The following PDIA5 variants were observed in gnomAD, a reference collection of about 807,000 sequenced individuals.
PDIA5 encodes protein disulfide isomerase family A member 5.
Under a neutral mutation model 77.6 loss-of-function variants are expected in PDIA5, and 58 were observed. The ratio of observed to expected loss-of-function variants is 0.75; its 90% CI spans 0.61 to 0.93. The LOEUF is 0.93. Ranked by LOEUF, PDIA5 falls within the 40% of genes least tolerant of loss-of-function variation. The pLI, the probability that PDIA5 is intolerant of heterozygous loss-of-function variation, is 0.00. For synonymous variants in PDIA5, 250 were observed against 252.1 expected, an observed-to-expected ratio of 0.99 and a Z score of 0.08; for missense variants, 630 against 647.7, an observed-to-expected ratio of 0.97 and a Z score of 0.30.
intron 1 of PDIA5, among the ~76,000 whole-genome samples, chr3:123,087,417 T>C (rs1228418573): frequency 6.6e-6 from 1 of 151,902 alleles, no homozygotes; most frequent in Non-Finnish European, 1.5e-5. Context: ...CATTCTCTTA[T>C]TTTTCTTAAG....
At chr3:123,153,154 T>A (rs1314197344) in intron 14 of PDIA5, among the ~76,000 whole-genome samples, 3 of 152,226 alleles carry the variant, frequency 2.0e-5, no homozygotes, top group Non-Finnish European at 4.4e-5. Flanking sequence ...GAGGCCTAGA[T>A]ATTTTAAATT....
chr3:123,112,623 A>G (rs892735256), intron 7 of PDIA5, among the ~76,000 whole-genome samples: 8 of 133,354 alleles, frequency 6.0e-5, no homozygotes, highest in African/African-American at 2.0e-4. Flanking sequence ...ATCTCAGCTC[A>G]CTGCGACCTC....
chr3:123,152,043 TCCTGCCTG>T (rs1935922775), intron 14 of PDIA5, among the ~76,000 whole-genome samples: 1 of 132,790 alleles, frequency 7.5e-6, no homozygotes, highest in Non-Finnish European at 1.6e-5. Flanking sequence ...CTGCCTTCCT[TCCTGCCTG>T]CCTTCCTTCC....
chr3:123,091,433 G>A (rs1431050501), intron 2 of PDIA5, among the ~76,000 whole-genome samples: 1 of 152,140 alleles, frequency 6.6e-6, no homozygotes, highest in East Asian at 1.9e-4. Context: ...GCTCACAGGT[G>A]TCGCCTAGGA....
intron 7 of PDIA5, among the ~76,000 whole-genome samples, chr3:123,112,446 G>A (rs1011314395): frequency 1.3e-5 from 2 of 151,822 alleles, no homozygotes; most frequent in African/African-American, 2.4e-5. Context: ...CCCCCCAGCC[G>A]GATGCCCCTC....
chr3:123,155,011 T>C lies in PDIA5; in HGVS notation c.1314T>C (p.Ala438=). 2 of 1,612,588 alleles carry C rather than the reference T, an allele frequency of 1.2e-6. No homozygotes were observed. Among genetic ancestry groups the C allele is most frequent in the Admixed American group, 3.3e-5 (2 of 60,034 alleles). Reference sequence around the variant, plus strand: ...AGAAGGTCATTCCGCACTTTACTGCTACTGCTGATGCCTTCAAAGATGACC... The same window carrying C: ...AGAAGGTCATTCCGCACTTTACTGCCACTGCTGATGCCTTCAAAGATGACC... ...HCKKVIPHFT[A]TADAFKDDRK... The change falls in exon 15 of 17, where the codon GCT becomes GCC. Residue 438 remains alanine (A), a synonymous_variant. Transcript: ENST00000316218.
chr3:123,116,309 C>A lies in PDIA5; in HGVS notation c.609+11C>A. 2.5e-6 allele frequency: 4 copies of A among 1,609,810 alleles called. No individual in the cohort carries two copies. The highest frequency in any genetic ancestry group is 3.4e-6 in the Non-Finnish European group (4 of 1,177,566). On this transcript the variant is annotated intron_variant, in intron 8 of 16. Transcript: ENST00000316218. ...CTGCGAGGCCACGCCGTAAGTGAGG[C>A]GCCATTGCCTGGCAGGGCTGGGTCA...
chr3:123,091,512 T>C (rs536577418), intron 2 of PDIA5, among the ~76,000 whole-genome samples: 118 of 152,304 alleles, frequency 7.7e-4, no homozygotes, highest in African/African-American at 2.8e-3. Flanking sequence ...CAGTGGATCA[T>C]TGCAGGCTGG....
chr3:123,113,028 C>T (rs1419537353), intron 7 of PDIA5, among the ~76,000 whole-genome samples: 2 of 152,168 alleles, frequency 1.3e-5, no homozygotes, highest in African/African-American at 4.8e-5. Context: ...CGCTCCTTCT[C>T]TTTATTAATG....
chr3:123,084,416 G>A (rs1934082844), intron 1 of PDIA5, among the ~76,000 whole-genome samples: 2 of 151,628 alleles, frequency 1.3e-5, no homozygotes, highest in Admixed American at 1.3e-4. Flanking sequence ...CTTTTCTTTA[G>A]AAGTGTCCCC....
At chr3:123,128,015 C>A (rs1222778873) in intron 10 of PDIA5, among the ~76,000 whole-genome samples, 1 of 152,204 alleles carries the variant, frequency 6.6e-6, no homozygotes, top group Non-Finnish European at 1.5e-5. Flanking sequence ...TTCAGACTCT[C>A]ACTCAGTCCC....
chr3:123,084,635 T>C (rs1225635996), intron 1 of PDIA5, among the ~76,000 whole-genome samples: 1 of 152,178 alleles, frequency 6.6e-6, no homozygotes, highest in Non-Finnish European at 1.5e-5. Context: ...TCTTCCTTAA[T>C]GTAAGAGAAA....
chr3:123,112,437 C>G (rs1007870175), intron 7 of PDIA5, among the ~76,000 whole-genome samples: 3 of 152,058 alleles, frequency 2.0e-5, no homozygotes, highest in Non-Finnish European at 4.4e-5. Context: ...GGGATGACGC[C>G]CCCCAGCCGG....
chr3:123,110,414 G>C (rs924702199), intron 6 of PDIA5, among the ~76,000 whole-genome samples: 1 of 152,154 alleles, frequency 6.6e-6, no homozygotes, highest in African/African-American at 2.4e-5. Flanking sequence ...CCTGGGGAGA[G>C]ATTAGCGAGA....
intron 13 of PDIA5, among the ~76,000 whole-genome samples, chr3:123,147,186 C>T (rs1216304043): frequency 6.6e-6 from 1 of 152,120 alleles, no homozygotes; most frequent in African/African-American, 2.4e-5. Context: ...GAGGCCCCTC[C>T]CCTTGGCCAT....
intron 1 of PDIA5, among the ~76,000 whole-genome samples, chr3:123,085,652 C>T (rs989783466): frequency 1.3e-5 from 2 of 152,180 alleles, no homozygotes; most frequent in Non-Finnish European, 2.9e-5. Context: ...CACACCGCTG[C>T]CTGGGCAGAT....
intron 6 of PDIA5, among the ~76,000 whole-genome samples, 164 bp downstream of exon 6, chr3:123,107,005 C>T (rs1934751483): frequency 6.6e-6 from 1 of 152,186 alleles, no homozygotes; most frequent in African/African-American, 2.4e-5. Context: ...GACTCCCCTT[C>T]CCAGCTCCAT....
chr3:123,148,401 C>G (rs1935815916), intron 13 of PDIA5, among the ~76,000 whole-genome samples: 1 of 151,978 alleles, frequency 6.6e-6, no homozygotes, highest in Non-Finnish European at 1.5e-5. Flanking sequence ...GACCCCACCT[C>G]TACCGAAAAT....
At chr3:123,103,018 T>A (rs546767425) in intron 5 of PDIA5, among the ~76,000 whole-genome samples, 1 of 152,272 alleles carries the variant, frequency 6.6e-6, no homozygotes, top group Admixed American at 6.5e-5. Context: ...GGTTTGTGAA[T>A]GTATCAGCAG....
Sources: allele counts gnomAD v4.1 joint callset (sites outside exome capture counted in the v4.1 genomes callset), GRCh38; gene constraint gnomAD v4.1.1; transcripts MANE v1.5; gene names NCBI Gene and HGNC (gene_info 2026-07-23, HGNC 2026-07-21).